The following ACOXL variants were observed in gnomAD, a reference collection of about 807,000 sequenced individuals.
The protein encoded by ACOXL is acyl-coenzyme A oxidase-like protein.
ACOXL carries 70 observed loss-of-function variants against 71.9 expected under a neutral mutation model. The observed-to-expected ratio is 0.97, with a 90% confidence interval of 0.80 to 1.19. The LOEUF is 1.19. Ranked by LOEUF, ACOXL falls within the 50% of genes most tolerant of loss-of-function variation. The pLI is 0.00. For missense variants in ACOXL, 703 were observed against 736.3 expected, an observed-to-expected ratio of 0.95 and a Z score of 0.52; for synonymous variants, 253 against 281.6, an observed-to-expected ratio of 0.90 and a Z score of 1.02.
chr2:110,790,891 C>T (rs533755004), intron 3 of ACOXL, among the ~76,000 whole-genome samples: 111 of 152,344 alleles, frequency 7.3e-4, no homozygotes, highest in Non-Finnish European at 1.3e-3. Context: ...ACTCAGGCCA[C>T]ACACCCAGGT....
intron 10 of ACOXL, among the ~76,000 whole-genome samples, chr2:110,881,501 G>A (rs2149095762): frequency 6.6e-6 from 1 of 152,116 alleles, no homozygotes; most frequent in Middle Eastern, 3.4e-3. Context: ...AATAAACTGT[G>A]CGTGTTTAAA....
rs1045996695 is a variant in ACOXL at position 111,061,796 on chromosome 2, C to A, written c.1440+12508C>A. Among the ~76,000 whole-genome samples, 120 of 151,872 alleles carry A rather than the reference C, an allele frequency of 7.9e-4. 1 individual carries two copies. Among genetic ancestry groups the A allele is most frequent in the African/African-American group, 2.8e-3 (116 of 41,370 alleles). ...CGTAGACCATGAAAAGTTATATATACAAAATGTAATACCTGGAGTAACTAC... is the reference window on the plus strand; with the variant it reads ...CGTAGACCATGAAAAGTTATATATAAAAAATGTAATACCTGGAGTAACTAC... On this transcript the variant is annotated intron_variant, in intron 16 of 17. Transcript: ENST00000439055.
At chr2:111,037,633 G>A (rs2065580722) in intron 15 of ACOXL, among the ~76,000 whole-genome samples, 1 of 152,156 alleles carries the variant, frequency 6.6e-6, no homozygotes, top group African/African-American at 2.4e-5. Flanking sequence ...TAAATGCTTG[G>A]CCCTTGTAAT....
intron 11 of ACOXL, among the ~76,000 whole-genome samples, chr2:110,926,871 G>A (rs77769602): frequency 0.043 from 6,582 of 152,114 alleles, 231 homozygotes; most frequent in African/African-American, 0.094. Flanking sequence ...AATCACCAGC[G>A]CCCTACCTGA....
chr2:110,933,641 T>C lies in ACOXL; in HGVS notation c.1058T>C (p.Met353Thr). 6.2e-7 allele frequency: 1 copy of C among 1,609,912 alleles called. No homozygotes were observed. The highest frequency in any genetic ancestry group is 8.5e-7 in the Non-Finnish European group (1 of 1,178,428). ...GACTGCCGCGAGTGCACTGGAGGCA[T>C]GGTGAGCCCCAAGGCCTGCAGCCCC... ...LQDCRECTGG[M>T]VVGRELLAQY... Residue 353 changes from methionine (M) to threonine (T), a missense_variant and splice_region_variant, in exon 12 of 18, where the codon ATG (methionine) becomes ACG (threonine). By Grantham distance (81) the Met-to-Thr change is moderately conservative. Transcript: ENST00000439055.
At chr2:110,896,604 T>A (rs553364441) in intron 10 of ACOXL, among the ~76,000 whole-genome samples, 15 of 152,190 alleles carry the variant, frequency 9.9e-5, no homozygotes, top group Non-Finnish European at 2.1e-4. Flanking sequence ...AAGTAGACTT[T>A]GGGGAAAAGT....
At chr2:111,080,197 A>G (rs944813656) in intron 16 of ACOXL, among the ~76,000 whole-genome samples, 1 of 151,928 alleles carries the variant, frequency 6.6e-6, no homozygotes, top group East Asian at 1.9e-4. Flanking sequence ...TTTTTGAAGG[A>G]TTTTTTGTGT....
At chr2:110,841,483 T>G (rs1345889444) in intron 10 of ACOXL, 78 bp downstream of exon 10, 3 of 1,251,468 alleles carry the variant, frequency 2.4e-6, no homozygotes, top group Non-Finnish European at 3.4e-6. Flanking sequence ...TGTCTCAGAT[T>G]TTGAGCTTTT....
intron 10 of ACOXL, among the ~76,000 whole-genome samples, chr2:110,843,432 A>G (rs1255493506): frequency 6.6e-6 from 1 of 152,200 alleles, no homozygotes. Context: ...GGCTGATAAC[A>G]TGGGTCTCTC....
intron 14 of ACOXL, 119 bp from the exon 15 acceptor site, chr2:111,031,508 G>A (rs550077236): frequency 2.4e-6 from 2 of 840,040 alleles, no homozygotes; most frequent in East Asian, 2.6e-5. Flanking sequence ...AGAAGGTTCT[G>A]CACTGTGTCC....
intron 1 of ACOXL, among the ~76,000 whole-genome samples, chr2:110,738,456 T>C (rs1677137782): frequency 6.6e-6 from 1 of 152,244 alleles, no homozygotes; most frequent in Non-Finnish European, 1.5e-5. Flanking sequence ...ACTGTTCAAT[T>C]GACTGAAAGT....
intron 12 of ACOXL, among the ~76,000 whole-genome samples, chr2:110,934,141 G>A (rs1386634513): frequency 6.6e-6 from 1 of 152,188 alleles, no homozygotes; most frequent in Non-Finnish European, 1.5e-5. Flanking sequence ...AATATTTGAG[G>A]GAGTTGAGGG....
At chr2:111,105,641 CTA>C (rs1178280905) in intron 17 of ACOXL, among the ~76,000 whole-genome samples, 15 of 152,132 alleles carry the variant, frequency 9.9e-5, no homozygotes, top group Middle Eastern at 6.8e-3. Flanking sequence ...GGAAATAAAA[CTA>C]TTTTTATATG....
At chr2:110,822,372 T>C (rs941163353) in intron 9 of ACOXL, among the ~76,000 whole-genome samples, 3 of 152,186 alleles carry the variant, frequency 2.0e-5, no homozygotes, top group Non-Finnish European at 2.9e-5. Context: ...AGAAATATGG[T>C]TGCCACCATC....
At chr2:110,853,521 C>T (rs10193050) in intron 10 of ACOXL, among the ~76,000 whole-genome samples, 43,517 of 152,090 alleles carry the variant, frequency 0.29, 6,636 homozygotes, top group Non-Finnish European at 0.33. Flanking sequence ...TTCAATATTC[C>T]GTGATAATTT....
chr2:110,981,774 C>T (rs2062716421), intron 12 of ACOXL, among the ~76,000 whole-genome samples: 1 of 152,224 alleles, frequency 6.6e-6, no homozygotes, highest in Non-Finnish European at 1.5e-5. Flanking sequence ...ACAGGTCCCT[C>T]TGAGAATAGT....
chr2:110,996,070 C>A, intron 14 of ACOXL, 66 bp downstream of exon 14: 1 of 1,346,322 alleles, frequency 7.4e-7, no homozygotes, highest in Non-Finnish European at 1.1e-6. Flanking sequence ...TGCTGGTGAA[C>A]TATCTGTTAA....
intron 9 of ACOXL, among the ~76,000 whole-genome samples, chr2:110,838,095 G>A (rs1690673648): frequency 6.6e-6 from 1 of 152,224 alleles, no homozygotes; most frequent in Non-Finnish European, 1.5e-5. Context: ...ATGAGTGTGT[G>A]TATGCACCTA....
At chr2:110,882,081 C>T (rs919789731) in intron 10 of ACOXL, among the ~76,000 whole-genome samples, 11 of 152,210 alleles carry the variant, frequency 7.2e-5, no homozygotes, top group East Asian at 3.9e-4. Context: ...GTTACTTTCC[C>T]GACAGCGGCG....
Sources: allele counts gnomAD v4.1 joint callset (sites outside exome capture counted in the v4.1 genomes callset), GRCh38; gene constraint gnomAD v4.1.1; transcripts MANE v1.5; gene names NCBI Gene and HGNC (gene_info 2026-07-23, HGNC 2026-07-21).